The following SMC4 variants were observed in gnomAD, a reference collection of about 807,000 sequenced individuals.
SMC4 encodes the protein structural maintenance of chromosomes protein 4.
SMC4 carries 87 observed loss-of-function variants against 145.6 expected under a neutral mutation model. The ratio of observed to expected loss-of-function variants is 0.60; its 90% CI spans 0.50 to 0.71. SMC4 has a LOEUF of 0.71. Among genes scored for constraint, SMC4 ranks in the 30% least tolerant of loss-of-function variants. The pLI is 0.00. For missense variants in SMC4, 1,447 were observed against 1,537.1 expected (o/e 0.94, Z 0.98); for synonymous variants, 558 against 500.7 (o/e 1.11, Z -1.53).
chr3:160,413,825 G>T (rs1716293459), intron 8 of SMC4: 1 of 367,906 alleles, frequency 2.7e-6, no homozygotes, highest in South Asian at 3.5e-5. Flanking sequence ...CCGTGGGGAT[G>T]CTACCCCCTA....
At chr3:160,424,039 T>C (rs1717495032) in intron 15 of SMC4, among the ~76,000 whole-genome samples, 199 bp downstream of exon 15, 1 of 152,222 alleles carries the variant, frequency 6.6e-6, no homozygotes, top group Non-Finnish European at 1.5e-5. Context: ...TCAGAAACTA[T>C]ATGCTCAAAG....
At chr3:160,413,999 C>G (rs1019671830) in intron 8 of SMC4, 2 of 334,106 alleles carry the variant, frequency 6.0e-6, no homozygotes, top group South Asian at 5.1e-5. Flanking sequence ...ACTAGTATCT[C>G]TAATTATTTT....
At chr3:160,418,781 G>C (rs1716855626) in intron 11 of SMC4, among the ~76,000 whole-genome samples, 1 of 152,128 alleles carries the variant, frequency 6.6e-6, no homozygotes, top group South Asian at 2.1e-4. Flanking sequence ...AAAGATGGCT[G>C]CTGAGAAGTT....
At chr3:160,422,320 T>C (rs967728012) in intron 13 of SMC4, among the ~76,000 whole-genome samples, 11 of 152,230 alleles carry the variant, frequency 7.2e-5, no homozygotes, top group African/African-American at 2.7e-4. Context: ...CACAAGCATG[T>C]GTAAGGGTTC....
intron 4 of SMC4, 65 bp from the exon 5 acceptor site, chr3:160,404,262 AT>A (rs1715053876): frequency 6.9e-7 from 1 of 1,440,122 alleles, no homozygotes; most frequent in Non-Finnish European, 9.4e-7. Context: ...AAATGAGTGA[AT>A]TTTGAAGTAG....
intron 10 of SMC4, 73 bp from the exon 11 acceptor site, chr3:160,417,650 A>G: frequency 8.7e-7 from 1 of 1,143,344 alleles, no homozygotes; most frequent in Non-Finnish European, 1.3e-6. Flanking sequence ...CGAATATAAA[A>G]TGTATGGTTT....
chr3:160,426,091 A>G lies in SMC4; in HGVS notation c.2496A>G (p.Glu832=). 1 of 1,604,124 alleles carries G rather than the reference A, an allele frequency of 6.2e-7. No individual in the cohort carries two copies. The highest frequency in any genetic ancestry group is 8.5e-7 in the Non-Finnish European group (1 of 1,175,224). The part of the protein sequence containing the change: ...TASIQRLIEQ[E]EYLNVQVKEL... ...TTTTGTAGCGTTTAATAGAGCAAGA[A>G]GAATATTTGAATGTCCAAGTTAAGG... The change falls in exon 17 of 24, where the codon GAA becomes GAG. Residue 832 remains glutamate (E), a synonymous_variant. Coordinates refer to ENST00000357388, the MANE Select transcript of SMC4 (RefSeq NM_001002800.3).
At chr3:160,412,635 G>GC in intron 7 of SMC4, 182 bp downstream of exon 7, 10 of 1,175,256 alleles carry the variant, frequency 8.5e-6, no homozygotes, top group South Asian at 2.0e-5. Context: ...GCTAAGGCAG[G>GC]AGGATCACTT....
At chr3:160,419,327 C>T in intron 11 of SMC4, 31 bp from the exon 12 acceptor site, 1 of 1,468,658 alleles carries the variant, frequency 6.8e-7, no homozygotes, top group South Asian at 1.2e-5. Context: ...GAAGTTAATG[C>T]TTCTGGATTT....
chr3:160,423,687 C>A (rs576642167), intron 14 of SMC4, 37 bp downstream of exon 14: 1 of 1,461,172 alleles, frequency 6.8e-7, no homozygotes, highest in Non-Finnish European at 9.4e-7. Flanking sequence ...GTTTTTTTTT[C>A]CCCCCACAGC....
chr3:160,409,527 C>G (rs1400509562), intron 5 of SMC4, among the ~76,000 whole-genome samples: 4 of 152,098 alleles, frequency 2.6e-5, no homozygotes, highest in Non-Finnish European at 5.9e-5. Context: ...AGGAGAAATA[C>G]AATGTTTTTA....
At chr3:160,416,551 A>T in intron 10 of SMC4, 136 bp downstream of exon 10, 1 of 498,944 alleles carries the variant, frequency 2.0e-6, no homozygotes, top group Non-Finnish European at 3.5e-6. Flanking sequence ...AAACTAGTCA[A>T]CCTAGACTTA....
chr3:160,427,907 T>G (rs971892466), intron 17 of SMC4, among the ~76,000 whole-genome samples: 2 of 152,090 alleles, frequency 1.3e-5, no homozygotes, highest in African/African-American at 4.8e-5. Flanking sequence ...GCCAACATGG[T>G]GAAACCCCAT....
intron 5 of SMC4, chr3:160,404,777 A>T: frequency 1.7e-6 from 1 of 594,096 alleles, no homozygotes; most frequent in South Asian, 1.4e-5. Flanking sequence ...ATATTGGCGT[A>T]GTGAAATATA....
intron 5 of SMC4, among the ~76,000 whole-genome samples, chr3:160,408,789 G>A (rs1419577802): frequency 6.6e-6 from 1 of 152,092 alleles, no homozygotes. Context: ...GGAAAAAGAA[G>A]GAAGAAAGGA....
chr3:160,429,577 G>A (rs771372822), intron 18 of SMC4, among the ~76,000 whole-genome samples: 53 of 151,798 alleles, frequency 3.5e-4, no homozygotes, highest in Middle Eastern at 3.4e-3. Flanking sequence ...GAACTCCTGG[G>A]CTGAAGCAGT....
At chr3:160,428,546 G>GC (rs1361304233) in intron 17 of SMC4, among the ~76,000 whole-genome samples, 1 of 152,000 alleles carries the variant, frequency 6.6e-6, no homozygotes, top group Non-Finnish European at 1.5e-5. Context: ...TTACAGCCGA[G>GC]CTAGTGTGTT....
chr3:160,404,488 G>A lies in SMC4; in HGVS notation c.671G>A (p.Arg224Lys). The change falls in exon 5 of 24, where the codon AGA becomes AAA. Residue 224 changes from arginine (R) to lysine (K), a missense_variant. Coordinates refer to ENST00000357388, the MANE Select transcript of SMC4 (RefSeq NM_001002800.3). ...RSHGIDLDHN[R>K]FLILQGEVEQ... is the part of the protein sequence containing the mutation. ...CATGGAATTGACTTGGACCATAATAGATTTTTAATTTTACAGGTAAGTTTA... is the reference window on the plus strand; with the variant it reads ...CATGGAATTGACTTGGACCATAATAAATTTTTAATTTTACAGGTAAGTTTA... 1 of 1,602,898 alleles carries A rather than the reference G, an allele frequency of 6.2e-7. No individual in the cohort carries two copies. The highest frequency in any genetic ancestry group is 1.1e-5 in the South Asian group (1 of 88,374).
In SMC4 at chr3:160,401,932, CT is replaced by C. The variant is rs1407778295; in HGVS notation, c.159del (p.Asp54IlefsTer5). 1.2e-6 allele frequency: 2 copies of C among 1,602,108 alleles called. No individual in the cohort carries two copies. Among genetic ancestry groups the C allele is most frequent in the Admixed American group, 3.5e-5 (2 of 57,886 alleles). Reference sequence around the variant, plus strand: ...TGACTTAGAGACTGCAAGTGAGGAACTTGATAATAGAAGTTTAGAAGAGATT... The same window carrying C: ...TGACTTAGAGACTGCAAGTGAGGAACTGATAATAGAAGTTTAGAAGAGATT... ...ATAAETASEE[L>X]DNRSLEEILN... On this transcript the variant is annotated frameshift_variant, in exon 3 of 24. Coordinates refer to ENST00000357388, the MANE Select transcript of SMC4 (RefSeq NM_001002800.3). LOFTEE classifies it high-confidence loss of function.
Sources: gnomAD v4.1 joint callset for allele counts (sites outside exome capture counted in the v4.1 genomes callset) on GRCh38, gnomAD v4.1.1 for gene constraint, MANE v1.5 for transcripts, NCBI Gene and HGNC (gene_info 2026-07-23, HGNC 2026-07-21) for gene names.